SMIM13: variants seen among roughly 807,000 people sequenced by gnomAD.
SMIM13 encodes UPF0766 protein C6orf228.
A neutral mutation model predicts 5.9 loss-of-function variants in SMIM13; 3 were observed. The observed-to-expected ratio is 0.51, with a 90% CI of 0.23 to 1.31. The LOEUF (loss-of-function observed/expected upper bound fraction) is 1.31, where lower values mean the gene tolerates loss of function less well. SMIM13 is among the 40% of genes most tolerant of loss of function. SMIM13 has a pLI of 0.18. For missense variants in SMIM13, 85 were observed against 109.9 expected, an observed-to-expected ratio of 0.77 and a Z score of 1.01; for synonymous variants, 55 against 46.0, an observed-to-expected ratio of 1.19 and a Z score of -0.79.
intron 1 of SMIM13, among the ~76,000 whole-genome samples, chr6:11,097,948 G>A (rs948319735): frequency 9.9e-5 from 15 of 151,066 alleles, no homozygotes; most frequent in African/African-American, 2.4e-4. Flanking sequence ...CCTGCTCGCC[G>A]CCCCCCCACC....
chr6:11,104,438 G>C (rs1424005896), intron 1 of SMIM13: 1 of 1,551,618 alleles, frequency 6.4e-7, no homozygotes, highest in Non-Finnish European at 8.7e-7. Flanking sequence ...GAGTTTTAAG[G>C]CATGTAGAGA....
intron 1 of SMIM13, among the ~76,000 whole-genome samples, chr6:11,126,363 C>T (rs958007082): frequency 2.0e-5 from 3 of 152,146 alleles, no homozygotes; most frequent in Non-Finnish European, 2.9e-5. Flanking sequence ...TGCGTATTTT[C>T]AAATAGCCTG....
At chr6:11,100,732 G>A (rs1757979887) in intron 1 of SMIM13, among the ~76,000 whole-genome samples, 1 of 152,034 alleles carries the variant, frequency 6.6e-6, no homozygotes, top group Non-Finnish European at 1.5e-5. Context: ...AATTTGAATA[G>A]ATTTTGGGGT....
intron 1 of SMIM13, among the ~76,000 whole-genome samples, chr6:11,113,275 G>T (rs911730217): frequency 5.3e-5 from 8 of 152,182 alleles, no homozygotes; most frequent in African/African-American, 7.2e-5. Context: ...TTGTTACTCC[G>T]CATCCATCAC....
chr6:11,098,761 C>T (rs1757956165), intron 1 of SMIM13, among the ~76,000 whole-genome samples: 1 of 152,194 alleles, frequency 6.6e-6, no homozygotes, highest in South Asian at 2.1e-4. Context: ...CTTTTATATA[C>T]TGTATTTCCA....
intron 1 of SMIM13, among the ~76,000 whole-genome samples, chr6:11,124,928 T>C (rs745542870): frequency 3.3e-5 from 5 of 152,228 alleles, no homozygotes; most frequent in Non-Finnish European, 5.9e-5. Flanking sequence ...GTTTGAAGGA[T>C]ATTTTTGCTC....
At chr6:11,129,503 T>C (rs553916521) in intron 1 of SMIM13, among the ~76,000 whole-genome samples, 5 of 152,382 alleles carry the variant, frequency 3.3e-5, no homozygotes, top group Non-Finnish European at 7.3e-5. Flanking sequence ...TGTATGCAGA[T>C]ATCTCTTGAA....
chr6:11,130,229 A>G (rs1554119969), intron 1 of SMIM13, among the ~76,000 whole-genome samples: 1 of 148,940 alleles, frequency 6.7e-6, no homozygotes, highest in African/African-American at 2.5e-5. Context: ...TTGTACTCCC[A>G]ACCTATCATT....
chr6:11,120,573 C>A (rs114957280), intron 1 of SMIM13, among the ~76,000 whole-genome samples: 1,735 of 152,262 alleles, frequency 0.011, 38 homozygotes, highest in African/African-American at 0.039. Flanking sequence ...GATTAAATTT[C>A]AATATATGAA....
At chr6:11,118,641 A>G (rs188238092) in intron 1 of SMIM13, among the ~76,000 whole-genome samples, 132 of 152,360 alleles carry the variant, frequency 8.7e-4, no homozygotes, top group Admixed American at 2.1e-3. Context: ...ATATTGAGGT[A>G]ATAGTATTGT....
intron 1 of SMIM13, among the ~76,000 whole-genome samples, chr6:11,116,982 CTTTTTTTTT>C (rs68092921): frequency 2.2e-3 from 103 of 46,446 alleles, no homozygotes; most frequent in African/African-American, 8.3e-3. Context: ...ATAATTGTTT[CTTTTTTTTT>C]TTTTTTTTTT....
At chr6:11,130,587 C>G (rs1391317973) in intron 1 of SMIM13, among the ~76,000 whole-genome samples, 3 of 152,158 alleles carry the variant, frequency 2.0e-5, no homozygotes, top group East Asian at 3.8e-4. Flanking sequence ...TAGAGTTTTT[C>G]TCATTGATAC....
At chr6:11,129,081 G>C (rs890824312) in intron 1 of SMIM13, among the ~76,000 whole-genome samples, 31 of 151,248 alleles carry the variant, frequency 2.0e-4, no homozygotes, top group Admixed American at 4.0e-4. Context: ...CCGGGAGCGG[G>C]GGGGGGATGA....
rs907342139 is a variant in SMIM13 at position 11,116,678 on chromosome 6, A to C, written c.77-17725A>C. Reference sequence around the variant, plus strand: ...AATATTTCTTAATTAGCCTTTTAACACCTGTAGGATCTGATATTGATTATT... The same window carrying C: ...AATATTTCTTAATTAGCCTTTTAACCCCTGTAGGATCTGATATTGATTATT... On this transcript the variant is annotated intron_variant, in intron 1 of 1. Coordinates refer to ENST00000416247, the MANE Select transcript of SMIM13 (RefSeq NM_001135575.2). Among the ~76,000 whole-genome samples the C allele has an allele frequency of 9.9e-5, 15 of 152,068 alleles. No individual in the cohort carries two copies. The South Asian group carries it at 1.5e-3, about 15-fold the overall frequency.
chr6:11,098,558 A>G (rs1369436484), intron 1 of SMIM13, among the ~76,000 whole-genome samples: 2 of 152,110 alleles, frequency 1.3e-5, no homozygotes, highest in Non-Finnish European at 1.5e-5. Context: ...CAGCCTCCTG[A>G]GTAGCTGAGA....
At chr6:11,101,642 T>G (rs1197055846) in intron 1 of SMIM13, among the ~76,000 whole-genome samples, 1 of 152,124 alleles carries the variant, frequency 6.6e-6, no homozygotes, top group African/African-American at 2.4e-5. Context: ...ACTATTCTCA[T>G]GCTGATTTGA....
chr6:11,128,205 T>C (rs2113666926), intron 1 of SMIM13, among the ~76,000 whole-genome samples: 1 of 152,148 alleles, frequency 6.6e-6, no homozygotes, highest in African/African-American at 2.4e-5. Context: ...GTTGACTATT[T>C]GGGGCCCAAG....
At chr6:11,115,727 C>T (rs188478292) in intron 1 of SMIM13, among the ~76,000 whole-genome samples, 32 of 149,176 alleles carry the variant, frequency 2.1e-4, no homozygotes, top group Non-Finnish European at 3.4e-4. Context: ...TTTTGTTGCC[C>T]GGGCTGGGGT....
At chr6:11,108,507 G>A (rs772967164) in intron 1 of SMIM13, among the ~76,000 whole-genome samples, 4 of 152,274 alleles carry the variant, frequency 2.6e-5, no homozygotes, top group Middle Eastern at 3.4e-3. Flanking sequence ...AGAGCTGGGG[G>A]TGGGTGTCCC....
Sources: allele counts gnomAD v4.1 joint callset (sites outside exome capture counted in the v4.1 genomes callset), GRCh38; gene constraint gnomAD v4.1.1; transcripts MANE v1.5; gene names NCBI Gene and HGNC (gene_info 2026-07-23, HGNC 2026-07-21).